Variants in SEMA3E observed in about 807,000 individuals in gnomAD.
SEMA3E encodes semaphorin 3E.
A neutral mutation model predicts 93.6 loss-of-function variants in SEMA3E; 49 were observed. That is an observed-to-expected ratio of 0.52 (90% CI 0.42 to 0.66). The LOEUF is 0.66. SEMA3E is among the 30% of genes least tolerant of loss of function. The pLI is 0.00. For missense variants in SEMA3E, 906 were observed against 964.8 expected (o/e 0.94, Z 0.81); for synonymous variants, 363 against 330.7 (o/e 1.10, Z -1.06).
At chr7:83,408,533 G>T in intron 5 of SEMA3E, 46 bp from the exon 6 acceptor site, 1 of 1,591,680 alleles carries the variant, frequency 6.3e-7, no homozygotes, top group Non-Finnish European at 8.6e-7. Flanking sequence ...TTGTTAATAT[G>T]TTAACAAATT....
intron 1 of SEMA3E, among the ~76,000 whole-genome samples, chr7:83,597,216 G>T (rs1792894871): frequency 1.3e-5 from 2 of 152,130 alleles, no homozygotes; most frequent in Admixed American, 1.3e-4. Flanking sequence ...TATAGCCACA[G>T]TGTGCCAGAC....
At chr7:83,384,250 C>T (rs1461067469) in intron 16 of SEMA3E, among the ~76,000 whole-genome samples, 3 of 151,976 alleles carry the variant, frequency 2.0e-5, no homozygotes, top group Non-Finnish European at 4.4e-5. Flanking sequence ...TCAAAGTGTT[C>T]CGCATTTGGA....
chr7:83,494,425 G>C (rs991997903), intron 1 of SEMA3E, among the ~76,000 whole-genome samples: 1 of 151,798 alleles, frequency 6.6e-6, no homozygotes, highest in African/African-American at 2.4e-5. Context: ...AAGGTGTAAA[G>C]TTCTACACCT....
At chr7:83,626,516 G>T (rs1053462504) in intron 1 of SEMA3E, among the ~76,000 whole-genome samples, 10 of 152,088 alleles carry the variant, frequency 6.6e-5, no homozygotes, top group African/African-American at 2.4e-4. Context: ...AGTATTTTCT[G>T]ATGATAGTTT....
intron 5 of SEMA3E, 31 bp from the exon 6 acceptor site, chr7:83,408,518 A>C (rs111878804): frequency 6.2e-7 from 1 of 1,611,252 alleles, no homozygotes; most frequent in East Asian, 2.2e-5. Flanking sequence ...AAAAGAAGTC[A>C]GTATTTGTTA....
chr7:83,472,261 G>A (rs1789913046), intron 2 of SEMA3E, among the ~76,000 whole-genome samples: 1 of 152,078 alleles, frequency 6.6e-6, no homozygotes. Context: ...TCCAATTTTG[G>A]TGTCAGGTGC....
At chr7:83,392,823 T>G in intron 13 of SEMA3E, 102 bp from the exon 14 acceptor site, 4 of 1,132,146 alleles carry the variant, frequency 3.5e-6, no homozygotes, top group Non-Finnish European at 5.3e-6. Context: ...CAGAAAAAAT[T>G]CACTTAAATT....
At chr7:83,485,636 A>G (rs1158886807) in intron 2 of SEMA3E, among the ~76,000 whole-genome samples, 1 of 152,148 alleles carries the variant, frequency 6.6e-6, no homozygotes, top group East Asian at 1.9e-4. Context: ...TACATAATAT[A>G]CTGTGTAGGA....
At chr7:83,575,603 GC>G (rs1415621389) in intron 1 of SEMA3E, among the ~76,000 whole-genome samples, 29 of 151,892 alleles carry the variant, frequency 1.9e-4, no homozygotes, top group Admixed American at 1.9e-3. Context: ...TTTTATGTCA[GC>G]CCCGGGCCTC....
chr7:83,368,651 T>C (rs1221693022), intron 16 of SEMA3E, among the ~76,000 whole-genome samples: 3 of 152,134 alleles, frequency 2.0e-5, no homozygotes, highest in Non-Finnish European at 4.4e-5. Flanking sequence ...ACAAGTAAAA[T>C]CCAGTTCCTG....
intron 3 of SEMA3E, among the ~76,000 whole-genome samples, chr7:83,468,097 A>T (rs571244567): frequency 6.6e-6 from 1 of 152,190 alleles, no homozygotes; most frequent in Non-Finnish European, 1.5e-5. Context: ...ACCTGTTGTG[A>T]TTTCAGCACT....
chr7:83,394,196 T>A (rs1019230941), intron 13 of SEMA3E, 101 bp downstream of exon 13: 7 of 1,242,792 alleles, frequency 5.6e-6, no homozygotes, highest in Non-Finnish European at 8.0e-6. Context: ...TGTAATAAGT[T>A]CATATTTAAG....
At chr7:83,618,964 C>T (rs936520582) in intron 1 of SEMA3E, among the ~76,000 whole-genome samples, 1 of 151,640 alleles carries the variant, frequency 6.6e-6, no homozygotes, top group African/African-American at 2.4e-5. Context: ...AAAAACATAC[C>T]CATCATACAT....
At chr7:83,642,502 A>C (rs1794026743) in intron 1 of SEMA3E, among the ~76,000 whole-genome samples, 1 of 152,156 alleles carries the variant, frequency 6.6e-6, no homozygotes, top group East Asian at 1.9e-4. Flanking sequence ...TGTCCTGTTC[A>C]TTCCTAGTCC....
chr7:83,449,539 C>A (rs1002427467), intron 4 of SEMA3E, among the ~76,000 whole-genome samples: 2 of 151,926 alleles, frequency 1.3e-5, no homozygotes, highest in Admixed American at 6.6e-5. Context: ...AACCTTATAA[C>A]AGATCTAAAC....
intron 1 of SEMA3E, among the ~76,000 whole-genome samples, chr7:83,556,412 G>A (rs172549): frequency 0.024 from 3,725 of 152,096 alleles, 149 homozygotes; most frequent in African/African-American, 0.085. Context: ...ATGCCAGGTC[G>A]TTTTAAGAGT....
intron 1 of SEMA3E, among the ~76,000 whole-genome samples, chr7:83,500,435 CAAAAAAA>C (rs1168502255): frequency 6.6e-6 from 1 of 150,600 alleles, no homozygotes; most frequent in African/African-American, 2.4e-5. Context: ...GACTCCGTCT[CAAAAAAA>C]CAAAAAACAA....
At chr7:83,479,139 C>T (rs1054122074) in intron 2 of SEMA3E, among the ~76,000 whole-genome samples, 1 of 152,122 alleles carries the variant, frequency 6.6e-6, no homozygotes, top group Non-Finnish European at 1.5e-5. Context: ...ACCCACATGT[C>T]GCCAACCCAT....
Position 83,458,986 on chromosome 7 carries a change from T to TATATAC in SEMA3E, c.456+7495_456+7496insGTATAT, listed in dbSNP as rs879777297. Reference sequence around the variant, plus strand: ...GTGTGTGTGTGTGTATATATATATATACACACACTGAAGGAAAGGAGTGGG... The same window carrying TATATAC: ...GTGTGTGTGTGTGTATATATATATATATATACACACACACTGAAGGAAAGGAGTGGG... On this transcript the variant is annotated intron_variant, in intron 4 of 16. Transcript: ENST00000643230. Among the ~76,000 whole-genome samples, 7 of 144,280 alleles carry TATATAC rather than the reference T, an allele frequency of 4.9e-5. No homozygotes were observed. In the East Asian group the frequency reaches 6.1e-4, roughly 12 times the overall value. The allele number at this position is 144,280 out of a possible 152,430, so 94.7% of individuals were successfully genotyped here.
Sources: gnomAD v4.1 joint callset for allele counts (sites outside exome capture counted in the v4.1 genomes callset) on GRCh38, gnomAD v4.1.1 for gene constraint, MANE v1.5 for transcripts, NCBI Gene and HGNC (gene_info 2026-07-23, HGNC 2026-07-21) for gene names.